TNS1: variants seen among roughly 807,000 people sequenced by gnomAD.
TNS1 encodes the protein tensin-1.
A neutral mutation model predicts 168.6 loss-of-function variants in TNS1; 62 were observed. The observed-to-expected ratio is 0.37, with a 90% CI of 0.30 to 0.45. TNS1 has a LOEUF of 0.45. Among genes scored for constraint, TNS1 ranks in the 20% least tolerant of loss-of-function variants. The pLI, the probability that TNS1 is intolerant of heterozygous loss-of-function variation, is 1.00. For missense variants in TNS1, 2,240 were observed against 2,339.4 expected (o/e 0.96, Z 0.88); for synonymous variants, 934 against 933.2 (o/e 1.00, Z -0.02).
chr2:217,848,930 G>T lies in TNS1; in HGVS notation c.1587C>A (p.Ser529Arg), dbSNP rs138285837. 6.2e-7 allele frequency: 1 copy of T among 1,614,154 alleles called. No individual in the cohort carries two copies. The highest frequency in any genetic ancestry group is 1.7e-5 in the Admixed American group (1 of 60,028). ...NHVEHTLSVS[S>R]DSGNSTASTK... ...TGGAGGCTGTGGAGTTGCCCGAGTC[G>T]CTGCTCACAGAAAGCGTGTGTTCCA... is the stretch of plus-strand genomic sequence containing the variant. The change falls in exon 19 of 33, where the codon AGC becomes AGA. Residue 529 changes from serine (S) to arginine (R), a missense_variant. This residue lies in a region of TNS1 where 2,131 missense variants were observed against 2,171.2 expected (regional missense o/e 0.98). Transcript: ENST00000682258.
chr2:217,907,570 T>C (rs574367033), intron 4 of TNS1, among the ~76,000 whole-genome samples: 2 of 152,216 alleles, frequency 1.3e-5, no homozygotes, highest in African/African-American at 4.8e-5. Flanking sequence ...ACTTACAGCA[T>C]CTCATTTATT....
intron 1 of TNS1, 87 bp downstream of exon 1, chr2:218,002,753 C>T: frequency 4.4e-6 from 2 of 455,818 alleles, no homozygotes; most frequent in Non-Finnish European, 8.8e-6. Context: ...ACCCCGGGCT[C>T]TCAGCAAAAG....
intron 12 of TNS1, among the ~76,000 whole-genome samples, chr2:217,888,156 C>T (rs1476222232): frequency 6.6e-6 from 1 of 152,180 alleles, no homozygotes; most frequent in Non-Finnish European, 1.5e-5. Flanking sequence ...AAGCCGGAAA[C>T]CTGGAATAGC....
chr2:217,822,001 C>T, intron 22 of TNS1, 63 bp from the exon 23 acceptor site: 1 of 1,463,144 alleles, frequency 6.8e-7, no homozygotes, highest in Non-Finnish European at 9.2e-7. Flanking sequence ...TGCAGGTCCC[C>T]CCCAACCTCC....
Position 217,966,836 on chromosome 2 carries a change from A to G in TNS1, c.186+11929T>C, listed in dbSNP as rs138793237. Among the ~76,000 whole-genome samples, 72 of 152,336 alleles carry G rather than the reference A, an allele frequency of 4.7e-4. No homozygotes were observed. In the East Asian group the frequency reaches 0.013, roughly 29 times the overall value. Reference sequence around the variant, plus strand: ...CTTGCTGTACTGAAATCCATCAGACATTAGAGCCAGACTCTCAGACCCGAG... The same window carrying G: ...CTTGCTGTACTGAAATCCATCAGACGTTAGAGCCAGACTCTCAGACCCGAG... On this transcript the variant is annotated intron_variant, in intron 3 of 32. Coordinates refer to ENST00000682258, the MANE Select transcript of TNS1 (RefSeq NM_001387777.1).
At position 217,960,397 on chromosome 2, in the gene TNS1, G is replaced by A. The variant is rs373550809; in HGVS notation, c.186+18368C>T. Among the ~76,000 whole-genome samples, 30 of 152,278 alleles carry A rather than the reference G, an allele frequency of 2.0e-4. No homozygotes were observed. In the East Asian group the frequency reaches 3.3e-3, roughly 17 times the overall value. On this transcript the variant is annotated intron_variant, in intron 3 of 32. Transcript: ENST00000682258. ...CAGCTGGATGCCTCTGACAGTGGAG[G>A]GCAAGGGGGACCAGTGGGGGACTCA...
chr2:217,958,029 A>ACACACACACACAC (rs1559387618), intron 3 of TNS1, among the ~76,000 whole-genome samples: 3 of 151,736 alleles, frequency 2.0e-5, no homozygotes, highest in Admixed American at 6.6e-5. Flanking sequence ...ACACACACAC[A>ACACACACACACAC]AAAGGAGGAG....
intron 1 of TNS1, among the ~76,000 whole-genome samples, chr2:218,009,733 T>C (rs973039118): frequency 3.3e-5 from 5 of 152,148 alleles, no homozygotes; most frequent in African/African-American, 1.2e-4. Context: ...CACCTTCCCT[T>C]CCCACGGAAA....
At chr2:217,918,826 C>T (rs1025306915) in intron 4 of TNS1, among the ~76,000 whole-genome samples, 2 of 151,958 alleles carry the variant, frequency 1.3e-5, no homozygotes, top group African/African-American at 4.8e-5. Context: ...GTTCCAAGCC[C>T]GACTGCACTC....
At chr2:217,978,712 C>T (rs909681700) in intron 3 of TNS1, 53 bp downstream of exon 3, 16 of 693,756 alleles carry the variant, frequency 2.3e-5, no homozygotes, top group Non-Finnish European at 3.7e-5. Context: ...TCTGGGACCC[C>T]GAGCCAGGCC....
intron 3 of TNS1, among the ~76,000 whole-genome samples, chr2:217,940,556 C>T (rs779756925): frequency 1.3e-5 from 2 of 152,042 alleles, no homozygotes; most frequent in South Asian, 2.1e-4. Context: ...GAAAGAGTGT[C>T]GTCATTTAGC....
intron 4 of TNS1, among the ~76,000 whole-genome samples, chr2:217,918,579 C>T (rs1405019853): frequency 6.6e-6 from 1 of 152,152 alleles, no homozygotes. Context: ...AACCTCTGAC[C>T]GCTCTTCATG....
chr2:217,987,729 A>G (rs1057227091), intron 2 of TNS1, among the ~76,000 whole-genome samples: 5 of 152,214 alleles, frequency 3.3e-5, no homozygotes, highest in African/African-American at 1.2e-4. Context: ...GAGAGTTGCC[A>G]TGTTGTAGCC....
intron 3 of TNS1, among the ~76,000 whole-genome samples, chr2:217,974,025 G>T (rs975413831): frequency 2.0e-5 from 3 of 152,142 alleles, no homozygotes; most frequent in Admixed American, 2.0e-4. Context: ...GAAATACGCC[G>T]GATACAAAAG....
intron 32 of TNS1, among the ~76,000 whole-genome samples, chr2:217,806,165 C>T (rs1219476357): frequency 6.6e-6 from 1 of 152,216 alleles, no homozygotes; most frequent in Admixed American, 6.5e-5. Flanking sequence ...CTGACTGGAG[C>T]ACCGAGCCTG....
intron 3 of TNS1, among the ~76,000 whole-genome samples, chr2:217,947,560 A>G (rs1337097561): frequency 6.6e-6 from 1 of 152,164 alleles, no homozygotes; most frequent in Non-Finnish European, 1.5e-5. Flanking sequence ...CTGGAGCAAC[A>G]GAGAGGCCAT....
chr2:218,003,016 G>A (rs908094984), upstream of TNS1: 9 of 437,058 alleles, frequency 2.1e-5, no homozygotes, highest in Admixed American at 1.4e-4. Context: ...TCGCCCTGCT[G>A]CCTCCAGCTC....
intron 4 of TNS1, among the ~76,000 whole-genome samples, chr2:217,912,410 G>T (rs957873002): frequency 1.3e-5 from 2 of 151,572 alleles, no homozygotes; most frequent in South Asian, 2.1e-4. Flanking sequence ...CAACTCTCCC[G>T]ACTCTTGCCC....
chr2:217,897,798 C>T lies in TNS1; in HGVS notation c.543G>A (p.Leu181=), dbSNP rs1344281073. The change falls in exon 8 of 33, where the codon CTG becomes CTA. Residue 181 remains leucine, a splice_region_variant and synonymous_variant. Coordinates refer to ENST00000682258, the MANE Select transcript of TNS1 (RefSeq NM_001387777.1). ...MLKSKHGGNY[L]LFNLSERRPD... is the part of the protein sequence containing the mutation. ...AGTGGGCACGAGGATCCATCCTCAC[C>T]AGGTAGTTGCCTCCATGTTTGGACT... 1.3e-6 allele frequency: 2 copies of T among 1,595,944 alleles called. No individual in the cohort carries two copies. Among genetic ancestry groups the T allele is most frequent in the Non-Finnish European group, 1.7e-6 (2 of 1,171,140 alleles).
Sources: allele counts gnomAD v4.1 joint callset (sites outside exome capture counted in the v4.1 genomes callset), GRCh38; gene constraint gnomAD v4.1.1; regional missense constraint gnomAD v4.1.1; transcripts MANE v1.5; gene names NCBI Gene and HGNC (gene_info 2026-07-23, HGNC 2026-07-21).